The following SLC25A26 variants were observed in gnomAD, a reference collection of about 807,000 sequenced individuals.
SLC25A26 encodes the protein solute carrier family 25 member 26, also known as mitochondrial S-adenosylmethionine carrier protein.
Under a neutral mutation model 37.8 loss-of-function variants are expected in SLC25A26, and 36 were observed. That is an observed-to-expected ratio of 0.95 (90% CI 0.73 to 1.26). The LOEUF (loss-of-function observed/expected upper bound fraction) is 1.26. Ranked by LOEUF, SLC25A26 falls within the 50% of genes most tolerant of loss-of-function variation. SLC25A26 has a pLI of 0.00. For missense variants in SLC25A26, 390 were observed against 331.1 expected (o/e 1.18, Z -1.38); for synonymous variants, 129 against 122.5 (o/e 1.05, Z -0.35).
chr3:66,161,537 G>A (rs915678207), intron 1 of SLC25A26, among the ~76,000 whole-genome samples: 4 of 152,146 alleles, frequency 2.6e-5, no homozygotes, highest in Non-Finnish European at 1.5e-5. Context: ...GAAATGTTCG[G>A]AATCTGTGAC....
chr3:66,189,952 A>C (rs1237172483), intron 1 of SLC25A26, among the ~76,000 whole-genome samples: 1 of 152,072 alleles, frequency 6.6e-6, no homozygotes, highest in Non-Finnish European at 1.5e-5. Context: ...GGAGTGAGCC[A>C]CTGCACCCAG....
chr3:66,195,777 G>C (rs1487666045), intron 1 of SLC25A26, among the ~76,000 whole-genome samples: 1 of 152,220 alleles, frequency 6.6e-6, no homozygotes, highest in Admixed American at 6.5e-5. Context: ...TATGCAAAAA[G>C]CATTGAGAAT....
At chr3:66,204,687 G>C (rs1157758951) in intron 1 of SLC25A26, among the ~76,000 whole-genome samples, 1 of 152,124 alleles carries the variant, frequency 6.6e-6, no homozygotes, top group Non-Finnish European at 1.5e-5. Context: ...GTTCGGCAAA[G>C]ATTAGTTGAG....
At chr3:66,269,735 C>G (rs954487761) in intron 5 of SLC25A26, among the ~76,000 whole-genome samples, 1 of 152,072 alleles carries the variant, frequency 6.6e-6, no homozygotes, top group Non-Finnish European at 1.5e-5. Context: ...AAAAATAGTC[C>G]TAGCTCATAA....
intron 9 of SLC25A26, chr3:66,371,054 T>A: frequency 8.2e-7 from 1 of 1,220,198 alleles, no homozygotes; most frequent in Non-Finnish European, 1.1e-6. Context: ...TTGAGAACCA[T>A]TGTGCTACAG....
Position 66,221,124 on chromosome 3 carries a change from G to A in SLC25A26, c.30G>A (p.Leu10=), listed in dbSNP as rs534315890. MDRPGFVAA[L]VAGGVAGVSV... Reference sequence around the variant, plus strand: ...ACCGGCCGGGGTTCGTGGCAGCGCTGGTGGTGAGTGCGGGGCGGTGGGGTG... The same window carrying A: ...ACCGGCCGGGGTTCGTGGCAGCGCTAGTGGTGAGTGCGGGGCGGTGGGGTG... Residue 10 remains leucine, a synonymous_variant, in exon 1 of 10, where the codon CTG becomes CTA. Coordinates refer to ENST00000354883, the MANE Select transcript of SLC25A26 (RefSeq NM_001379210.1). 1.5e-5 allele frequency: 23 copies of A among 1,529,852 alleles called. No individual in the cohort carries two copies. The East Asian group carries it at 3.5e-4, about 23-fold the overall frequency. 94.8% of individuals were successfully genotyped at this position (1,529,852 alleles called of 1,614,324 possible).
intron 2 of SLC25A26, among the ~76,000 whole-genome samples, chr3:66,240,737 CT>C (rs2072536883): frequency 7.9e-6 from 1 of 127,206 alleles, no homozygotes; most frequent in Non-Finnish European, 1.6e-5. Flanking sequence ...CAGGGCTAGC[CT>C]TTTCTTTTCT....
intron 1 of SLC25A26, among the ~76,000 whole-genome samples, chr3:66,236,308 G>T (rs1308989412): frequency 1.5e-5 from 2 of 134,928 alleles, no homozygotes. Context: ...ATTAAAAATT[G>T]ATTTAAAAAG....
At chr3:66,233,050 C>G (rs965069711) in intron 1 of SLC25A26, among the ~76,000 whole-genome samples, 1 of 152,220 alleles carries the variant, frequency 6.6e-6, no homozygotes, top group African/African-American at 2.4e-5. Flanking sequence ...AATGTTATGG[C>G]TGGCTCTTCT....
chr3:66,280,662 C>T (rs547989129), intron 5 of SLC25A26, among the ~76,000 whole-genome samples: 1 of 152,162 alleles, frequency 6.6e-6, no homozygotes, highest in African/African-American at 2.4e-5. Context: ...AGTAACACCA[C>T]CTTTTTCTTT....
intron 5 of SLC25A26, among the ~76,000 whole-genome samples, chr3:66,274,632 C>T (rs1165847944): frequency 6.6e-6 from 1 of 152,180 alleles, no homozygotes; most frequent in African/African-American, 2.4e-5. Flanking sequence ...TTTATGCAGC[C>T]AAAAGACACA....
chr3:66,342,029 T>G (rs1348408556), intron 5 of SLC25A26, among the ~76,000 whole-genome samples: 1 of 152,158 alleles, frequency 6.6e-6, no homozygotes, highest in African/African-American at 2.4e-5. Context: ...TTCAGAGTAT[T>G]TAAAAGAATG....
At chr3:66,336,067 A>G (rs1207891424) in intron 5 of SLC25A26, among the ~76,000 whole-genome samples, 2 of 152,204 alleles carry the variant, frequency 1.3e-5, no homozygotes, top group Admixed American at 6.5e-5. Flanking sequence ...CAGAGGATGT[A>G]TCTATACAAA....
chr3:66,316,771 G>GT (rs1275262462), intron 5 of SLC25A26, among the ~76,000 whole-genome samples: 1 of 151,968 alleles, frequency 6.6e-6, no homozygotes, highest in East Asian at 1.9e-4. Flanking sequence ...TGTAGGTTTG[G>GT]TTTTTTAACA....
In SLC25A26 at chr3:66,243,329, G is replaced by C. The variant is rs370692649; in HGVS notation, c.300+17G>C. 2.2e-6 allele frequency: 3 copies of C among 1,346,582 alleles called. No individual in the cohort carries two copies. Among genetic ancestry groups the C allele is most frequent in the Non-Finnish European group, 3.2e-6 (3 of 943,706 alleles). 83.4% of individuals were successfully genotyped at this position (1,346,582 alleles called of 1,614,324 possible). On this transcript the variant is annotated intron_variant, in intron 3 of 9. Transcript: ENST00000354883. The stretch of plus-strand genomic sequence containing the variant: ...GGAGAAGTGGTAAGTAACAAGTTTT[G>C]TGTATAAAATACTTCAGAAATGCAC...
chr3:66,297,571 G>T (rs908728687), intron 5 of SLC25A26, among the ~76,000 whole-genome samples: 4 of 152,160 alleles, frequency 2.6e-5, no homozygotes, highest in African/African-American at 9.6e-5. Flanking sequence ...TTTTGAAGTT[G>T]TTTAATCTCT....
chr3:66,332,494 G>A (rs1384646583), intron 5 of SLC25A26, among the ~76,000 whole-genome samples: 3 of 151,522 alleles, frequency 2.0e-5, no homozygotes, highest in African/African-American at 7.3e-5. Flanking sequence ...TTGCATTTTA[G>A]CACCTCTGGA....
intron 5 of SLC25A26, among the ~76,000 whole-genome samples, chr3:66,287,212 C>A (rs557098133): frequency 6.6e-6 from 1 of 151,386 alleles, no homozygotes; most frequent in Non-Finnish European, 1.5e-5. Context: ...AGGAGAATAG[C>A]GTGAACCTGG....
At chr3:66,264,002 A>G (rs1444273925) in intron 5 of SLC25A26, among the ~76,000 whole-genome samples, 3 of 151,780 alleles carry the variant, frequency 2.0e-5, no homozygotes, top group Non-Finnish European at 4.4e-5. Context: ...ACTTCGGGTC[A>G]GGCGTGGTAG....
Sources: allele counts gnomAD v4.1 joint callset (sites outside exome capture counted in the v4.1 genomes callset), GRCh38; gene constraint gnomAD v4.1.1; transcripts MANE v1.5; gene names NCBI Gene and HGNC (gene_info 2026-07-23, HGNC 2026-07-21).